The following PHACTR1 variants were observed in gnomAD, a reference collection of about 807,000 sequenced individuals.
PHACTR1 encodes the protein RPEL repeat containing 1.
Under a neutral mutation model 69.2 loss-of-function variants are expected in PHACTR1, and 16 were observed. The observed-to-expected ratio is 0.23, with a 90% confidence interval of 0.16 to 0.35. The LOEUF is 0.35. Ranked by LOEUF, PHACTR1 falls within the 10% of genes least tolerant of loss-of-function variation. The pLI is 1.00. For synonymous variants in PHACTR1, 312 were observed against 284.5 expected (o/e 1.10, Z -0.97); for missense variants, 510 against 734.7 (o/e 0.69, Z 3.54).
chr6:12,978,662 C>T lies in PHACTR1; in HGVS notation c.251-74703C>T, dbSNP rs556260928. Among the ~76,000 whole-genome samples the T allele has an allele frequency of 9.8e-5, 15 of 152,298 alleles. No homozygotes were observed. In the East Asian group the frequency reaches 2.9e-3, roughly 29 times the overall value. ...CACCTACAAAGCTTGACAATAGTCACGTATGTCTTATTTGTATTTGCAGTG... is the reference window on the plus strand; with the variant it reads ...CACCTACAAAGCTTGACAATAGTCATGTATGTCTTATTTGTATTTGCAGTG... On this transcript the variant is annotated intron_variant, in intron 4 of 14. Coordinates refer to ENST00000332995, the MANE Select transcript of PHACTR1 (RefSeq NM_030948.6).
chr6:12,921,710 G>T (rs956325536), intron 4 of PHACTR1, among the ~76,000 whole-genome samples: 1 of 112,148 alleles, frequency 8.9e-6, no homozygotes. Context: ...GCAAGGAGAA[G>T]GAATGAAGAA....
In PHACTR1 at chr6:13,256,417, C is replaced by A. The variant is rs571864819; in HGVS notation, c.1392-16443C>A. Among the ~76,000 whole-genome samples the A allele has an allele frequency of 9.2e-5, 14 of 152,336 alleles. No individual in the cohort carries two copies. In the South Asian group the frequency reaches 2.5e-3, roughly 27 times the overall value. The stretch of plus-strand genomic sequence containing the variant: ...AGCTCCTTTTTACTTATGCAAATTT[C>A]TGCAGCCTACTTGAATTCCTCCCCT... On this transcript the variant is annotated intron_variant, in intron 10 of 14. Coordinates refer to ENST00000332995, the MANE Select transcript of PHACTR1 (RefSeq NM_030948.6).
intron 5 of PHACTR1, among the ~76,000 whole-genome samples, chr6:13,075,995 AATT>A (rs1384131903): frequency 6.6e-6 from 1 of 151,440 alleles, no homozygotes; most frequent in Non-Finnish European, 1.5e-5. Context: ...CTTAGCAATG[AATT>A]ATTTGAAAAA....
chr6:12,853,693 G>C (rs1405883186), intron 4 of PHACTR1, among the ~76,000 whole-genome samples: 3 of 152,232 alleles, frequency 2.0e-5, no homozygotes, highest in Non-Finnish European at 4.4e-5. Context: ...TGAGTACCCG[G>C]TGAAGGGGGA....
chr6:12,950,381 A>AT (rs1168143444), intron 4 of PHACTR1, among the ~76,000 whole-genome samples: 1 of 152,214 alleles, frequency 6.6e-6, no homozygotes, highest in Non-Finnish European at 1.5e-5. Context: ...TACTTCTACC[A>AT]TACTGTGTGT....
intron 4 of PHACTR1, among the ~76,000 whole-genome samples, chr6:12,825,646 T>A (rs1005930333): frequency 7.2e-5 from 11 of 152,210 alleles, no homozygotes; most frequent in Admixed American, 1.3e-4. Context: ...CAAAGGCCTG[T>A]TTCCTGCCTT....
At chr6:13,206,916 C>T (rs781446588) in intron 8 of PHACTR1, among the ~76,000 whole-genome samples, 1 of 152,124 alleles carries the variant, frequency 6.6e-6, no homozygotes, top group Non-Finnish European at 1.5e-5. Context: ...GACGATGGCC[C>T]CAGCTGGGAA....
chr6:13,006,243 G>A (rs1218645128), intron 4 of PHACTR1, among the ~76,000 whole-genome samples: 1 of 152,216 alleles, frequency 6.6e-6, no homozygotes, highest in Non-Finnish European at 1.5e-5. Flanking sequence ...TGGCAGCCAA[G>A]GTTTCTGTGT....
intron 5 of PHACTR1, among the ~76,000 whole-genome samples, chr6:13,116,278 A>G (rs564383628): frequency 3.3e-5 from 5 of 152,370 alleles, no homozygotes; most frequent in African/African-American, 1.2e-4. Flanking sequence ...CCACAGCCTT[A>G]TGCAGAGTGA....
At chr6:13,174,909 C>T (rs920450204) in intron 6 of PHACTR1, among the ~76,000 whole-genome samples, 12 of 152,154 alleles carry the variant, frequency 7.9e-5, no homozygotes, top group African/African-American at 2.2e-4. Flanking sequence ...CAGCCTGGCA[C>T]ATAGTAAGTT....
intron 4 of PHACTR1, among the ~76,000 whole-genome samples, chr6:13,017,315 TGTG>T (rs1245411331): frequency 6.6e-6 from 1 of 152,030 alleles, no homozygotes; most frequent in African/African-American, 2.4e-5. Flanking sequence ...CATTAGGTAT[TGTG>T]GTGTCTGTTT....
intron 6 of PHACTR1, among the ~76,000 whole-genome samples, chr6:13,172,613 T>G (rs1482183455): frequency 2.0e-5 from 3 of 152,230 alleles, no homozygotes; most frequent in Non-Finnish European, 2.9e-5. Flanking sequence ...CCAGGGTCAA[T>G]GTCTTTGCCA....
intron 4 of PHACTR1, among the ~76,000 whole-genome samples, chr6:13,040,892 G>A (rs1804035886): frequency 6.6e-6 from 1 of 152,104 alleles, no homozygotes; most frequent in African/African-American, 2.4e-5. Context: ...ACTTGCCTGT[G>A]GTTACACAGC....
chr6:13,125,552 T>A (rs116713672), intron 5 of PHACTR1, among the ~76,000 whole-genome samples: 1 of 152,212 alleles, frequency 6.6e-6, no homozygotes, highest in South Asian at 2.1e-4. Flanking sequence ...GGAAAAAATA[T>A]GTCACTCTTA....
intron 6 of PHACTR1, among the ~76,000 whole-genome samples, chr6:13,166,961 T>G (rs890695290): frequency 1.3e-5 from 2 of 152,178 alleles, no homozygotes; most frequent in African/African-American, 4.8e-5. Context: ...CTGTATATTG[T>G]TTGGTCATTA....
intron 7 of PHACTR1, among the ~76,000 whole-genome samples, chr6:13,185,639 T>TCACTG (rs1762741555): frequency 6.6e-6 from 1 of 152,208 alleles, no homozygotes; most frequent in Admixed American, 6.5e-5. Flanking sequence ...AAATTGTACT[T>TCACTG]CACTGCACTT....
chr6:13,046,099 A>G (rs909766665), intron 4 of PHACTR1, among the ~76,000 whole-genome samples: 2 of 152,166 alleles, frequency 1.3e-5, no homozygotes, highest in Admixed American at 1.3e-4. Context: ...CTCTCCCTCC[A>G]GAGATGTAGT....
At chr6:13,025,707 G>GTGTGTGTA (rs1341459735) in intron 4 of PHACTR1, among the ~76,000 whole-genome samples, 1 of 151,560 alleles carries the variant, frequency 6.6e-6, no homozygotes, top group Non-Finnish European at 1.5e-5. Context: ...GTGTGTGTGT[G>GTGTGTGTA]TGTCTGTGTG....
At chr6:13,004,410 T>A (rs543873396) in intron 4 of PHACTR1, among the ~76,000 whole-genome samples, 1 of 152,252 alleles carries the variant, frequency 6.6e-6, no homozygotes, top group South Asian at 2.1e-4. Flanking sequence ...TTGTTGGCCC[T>A]TTGTATGTTT....
Sources: allele counts gnomAD v4.1 joint callset (sites outside exome capture counted in the v4.1 genomes callset), GRCh38; gene constraint gnomAD v4.1.1; transcripts MANE v1.5; gene names NCBI Gene and HGNC (gene_info 2026-07-23, HGNC 2026-07-21).